The following RETREG1 variants were observed in gnomAD, a reference collection of about 807,000 sequenced individuals.
RETREG1 encodes the protein reticulophagy regulator 1, also known as family with sequence similarity 134 member B.
A neutral mutation model predicts 54.8 loss-of-function variants in RETREG1; 44 were observed. The ratio of observed to expected loss-of-function variants is 0.80; its 90% CI spans 0.63 to 1.03. RETREG1 has a LOEUF of 1.03. RETREG1 is among the 50% of genes least tolerant of loss of function. The pLI, the probability that RETREG1 is intolerant of heterozygous loss-of-function variation, is 0.00. For missense variants in RETREG1, 554 were observed against 605.1 expected, an observed-to-expected ratio of 0.92 and a Z score of 0.89; for synonymous variants, 217 against 238.5, an observed-to-expected ratio of 0.91 and a Z score of 0.83.
At chr5:16,539,401 C>T (rs1741173536) in intron 3 of RETREG1, among the ~76,000 whole-genome samples, 1 of 152,154 alleles carries the variant, frequency 6.6e-6, no homozygotes, top group Non-Finnish European at 1.5e-5. Context: ...ACCGGGAATC[C>T]AGAAATAAGC....
chr5:16,606,129 AAG>A (rs1202140904), intron 1 of RETREG1, among the ~76,000 whole-genome samples: 3 of 152,154 alleles, frequency 2.0e-5, no homozygotes, highest in African/African-American at 7.2e-5. Context: ...TGGAGACAGG[AAG>A]AGAGTGTCCT....
In RETREG1 at chr5:16,542,776, A is replaced by C. The variant is rs375980609; in HGVS notation, c.458+22987T>G. ...ACTCCTACTGACTTCTTAACAGAAC[A>C]GCCACTACCTCTACGGTGCTTTCAT... On this transcript the variant is annotated intron_variant, in intron 3 of 8. Transcript: ENST00000306320. 4.6e-3 allele frequency among the ~76,000 whole-genome samples: 702 copies of C among 152,338 alleles called. 5 individuals carry two copies. Among genetic ancestry groups the C allele is most frequent in the African/African-American group, 0.016 (679 of 41,576 alleles).
intron 1 of RETREG1, among the ~76,000 whole-genome samples, chr5:16,608,024 C>T (rs1269246229): frequency 1.3e-5 from 2 of 152,062 alleles, no homozygotes; most frequent in African/African-American, 4.8e-5. Flanking sequence ...GGATTACAGG[C>T]GCATGCCACC....
At chr5:16,510,413 A>G (rs1740133920) in intron 3 of RETREG1, among the ~76,000 whole-genome samples, 1 of 152,174 alleles carries the variant, frequency 6.6e-6, no homozygotes, top group Non-Finnish European at 1.5e-5. Flanking sequence ...AATGTGCTAT[A>G]CTATTAGAAA....
chr5:16,500,009 C>A (rs1739636197), intron 3 of RETREG1, among the ~76,000 whole-genome samples: 2 of 152,166 alleles, frequency 1.3e-5, no homozygotes, highest in African/African-American at 4.8e-5. Context: ...TAGGGCAGGC[C>A]AACTCTGCAA....
At chr5:16,542,126 C>G (rs1376433703) in intron 3 of RETREG1, among the ~76,000 whole-genome samples, 1 of 152,226 alleles carries the variant, frequency 6.6e-6, no homozygotes, top group African/African-American at 2.4e-5. Context: ...ATCACCACAA[C>G]TAAGATGCAG....
At chr5:16,475,343 A>T (rs919837850) in intron 8 of RETREG1, 109 bp from the exon 9 acceptor site, 4 of 1,244,398 alleles carry the variant, frequency 3.2e-6, no homozygotes, top group African/African-American at 1.5e-5. Flanking sequence ...CAACCTTGGC[A>T]TTCATCTAGC....
chr5:16,479,927 T>C (rs1738695834), intron 5 of RETREG1, among the ~76,000 whole-genome samples: 1 of 152,048 alleles, frequency 6.6e-6, no homozygotes, highest in African/African-American at 2.4e-5. Context: ...CAGATCATAG[T>C]TTTCAGGTGA....
At chr5:16,480,782 A>C (rs1369470342) in intron 5 of RETREG1, among the ~76,000 whole-genome samples, 2 of 152,116 alleles carry the variant, frequency 1.3e-5, no homozygotes, top group Non-Finnish European at 2.9e-5. Flanking sequence ...AAAATTTAAC[A>C]TAAAATTATT....
At chr5:16,475,352 G>A (rs1738493740) in intron 8 of RETREG1, 118 bp from the exon 9 acceptor site, 2 of 1,108,980 alleles carry the variant, frequency 1.8e-6, no homozygotes, top group Non-Finnish European at 1.3e-6. Context: ...CATTCATCTA[G>A]CCTCCTGGGT....
intron 3 of RETREG1, among the ~76,000 whole-genome samples, chr5:16,489,128 A>G (rs1739151894): frequency 6.6e-6 from 1 of 150,530 alleles, no homozygotes; most frequent in African/African-American, 2.4e-5. Context: ...AGACCTTAAA[A>G]GGATCAAACT....
At position 16,477,767 on chromosome 5, in the gene RETREG1, T is replaced by G; in HGVS notation, c.895A>C (p.Lys299Gln). 13 of 1,613,460 alleles carry G rather than the reference T, an allele frequency of 8.1e-6. No individual in the cohort carries two copies. The highest frequency in any genetic ancestry group is 1.1e-5 in the Non-Finnish European group (13 of 1,179,580). Residue 299 changes from lysine (K) to glutamine (Q), a missense_variant, in exon 8 of 9, where the codon AAA (lysine) becomes CAA (glutamine). Physicochemically the swap from Lys to Gln is moderately conservative, Grantham distance 53. This residue lies in a region of RETREG1 where 347 missense variants were observed against 412.3 expected (regional missense o/e 0.84). Transcript: ENST00000306320. ...TCTGTGTCAGACACAGATAACTCTT[T>G]GGCAGCAACCGTGAGGCTAATCTGT... ...CPKISLTVAA[K>Q]ELSVSDTDVS... is the part of the protein sequence containing the mutation.
intron 3 of RETREG1, among the ~76,000 whole-genome samples, chr5:16,492,199 C>CCTCT (rs369038338): frequency 0.054 from 7,373 of 135,562 alleles, 245 homozygotes; most frequent in East Asian, 0.15. Context: ...ACAGTGTTGT[C>CCTCT]CTCTCTCTCT....
At chr5:16,510,205 G>A (rs1740125826) in intron 3 of RETREG1, among the ~76,000 whole-genome samples, 1 of 152,106 alleles carries the variant, frequency 6.6e-6, no homozygotes, top group Admixed American at 6.5e-5. Context: ...ATTTTGTGAT[G>A]TATGCATCTC....
At chr5:16,590,990 T>C (rs1456244537) in intron 1 of RETREG1, among the ~76,000 whole-genome samples, 1 of 152,118 alleles carries the variant, frequency 6.6e-6, no homozygotes, top group Non-Finnish European at 1.5e-5. Context: ...CTTGCCTCCA[T>C]AGCACTTATT....
chr5:16,608,653 C>T (rs986745690), intron 1 of RETREG1, among the ~76,000 whole-genome samples: 7 of 152,162 alleles, frequency 4.6e-5, no homozygotes, highest in African/African-American at 1.7e-4. Flanking sequence ...TGAGTTCAGG[C>T]ACTGGGCTTC....
chr5:16,563,468 C>T (rs895807172), intron 3 of RETREG1, among the ~76,000 whole-genome samples: 2 of 152,016 alleles, frequency 1.3e-5, no homozygotes, highest in African/African-American at 4.8e-5. Context: ...TACCATTGCC[C>T]AGGCTGGTCT....
rs77545581 is a variant in RETREG1, at chr5:16,497,250, C to T, written c.459-13778G>A. On this transcript the variant is annotated intron_variant, in intron 3 of 8. Transcript: ENST00000306320. ...ACAGCTAAGAAGAGGCGACCAGGAT[C>T]AGAACCCAGTCTCCAGCTTCAATCC... 4.3e-3 allele frequency among the ~76,000 whole-genome samples: 654 copies of T among 152,316 alleles called. 7 individuals are homozygous for T. The highest frequency in any genetic ancestry group is 0.015 in the African/African-American group (604 of 41,566).
chr5:16,479,039 C>T (rs568581218), intron 5 of RETREG1, 52 bp from the exon 6 acceptor site: 72 of 1,568,122 alleles, frequency 4.6e-5, no homozygotes, highest in East Asian at 4.1e-4. Flanking sequence ...CAAAAGGCTA[C>T]GTACATTTCA....
Sources: gnomAD v4.1 joint callset for allele counts (sites outside exome capture counted in the v4.1 genomes callset) on GRCh38, gnomAD v4.1.1 for gene constraint, gnomAD v4.1.1 regional missense constraint, MANE v1.5 for transcripts, NCBI Gene and HGNC (gene_info 2026-07-23, HGNC 2026-07-21) for gene names.